HS3ST4: variants seen among roughly 807,000 people sequenced by gnomAD.
HS3ST4 encodes the protein heparan sulfate-glucosamine 3-sulfotransferase 4.
HS3ST4 carries 17 observed loss-of-function variants against 29.2 expected under a neutral mutation model. The observed-to-expected ratio is 0.58, with a 90% CI of 0.40 to 0.87. The LOEUF is 0.87. HS3ST4 is among the 40% of genes least tolerant of loss of function. The pLI is 0.00. For synonymous variants in HS3ST4, 314 were observed against 285.7 expected, an observed-to-expected ratio of 1.10 and a Z score of -1.00; for missense variants, 627 against 634.5, an observed-to-expected ratio of 0.99 and a Z score of 0.13.
At chr16:25,747,736 C>T (rs926161541) in intron 1 of HS3ST4, among the ~76,000 whole-genome samples, 1 of 152,212 alleles carries the variant, frequency 6.6e-6, no homozygotes, top group Non-Finnish European at 1.5e-5. Context: ...GAGGTCTCCA[C>T]TGCCTCTCAG....
At chr16:25,783,398 G>A (rs936259121) in intron 1 of HS3ST4, among the ~76,000 whole-genome samples, 3 of 151,958 alleles carry the variant, frequency 2.0e-5, no homozygotes, top group Non-Finnish European at 4.4e-5. Flanking sequence ...AACAGCCGCT[G>A]CATTGATGTC....
intron 1 of HS3ST4, chr16:25,824,818 C>G (rs1385894709): frequency 3.3e-5 from 5 of 152,154 alleles, no homozygotes; most frequent in Non-Finnish European, 1.5e-5. Context: ...ATATATAGTG[C>G]CCTACTGGCT....
At chr16:25,955,892 G>A (rs1289567748) in intron 1 of HS3ST4, among the ~76,000 whole-genome samples, 1 of 150,192 alleles carries the variant, frequency 6.7e-6, no homozygotes, top group Non-Finnish European at 1.5e-5. Flanking sequence ...TCGGCTCACT[G>A]CAACCTCCAC....
At chr16:25,985,529 A>G (rs115281467) in intron 1 of HS3ST4, among the ~76,000 whole-genome samples, 3,405 of 152,246 alleles carry the variant, frequency 0.022, 145 homozygotes, top group African/African-American at 0.079. Context: ...TTCACCCTTA[A>G]GCTTCCATAA....
At chr16:25,731,503 A>C (rs373735722) in intron 1 of HS3ST4, among the ~76,000 whole-genome samples, 56 of 151,978 alleles carry the variant, frequency 3.7e-4, no homozygotes, top group African/African-American at 1.2e-3. Flanking sequence ...AGCATACTCA[A>C]CTAATTTTTG....
At chr16:25,961,233 C>G (rs976646598) in intron 1 of HS3ST4, among the ~76,000 whole-genome samples, 1 of 152,152 alleles carries the variant, frequency 6.6e-6, no homozygotes, top group Non-Finnish European at 1.5e-5. Context: ...TGAATGCATA[C>G]TTACTCCTTC....
chr16:25,931,315 T>A (rs1264871826), intron 1 of HS3ST4, among the ~76,000 whole-genome samples: 1 of 152,212 alleles, frequency 6.6e-6, no homozygotes, highest in Admixed American at 6.5e-5. Flanking sequence ...CCTTGTTCTC[T>A]GTGCTTCCCC....
In HS3ST4 at chr16:25,742,438, G is replaced by GATC. The variant is rs1596558097; in HGVS notation, c.734+49288_734+49289insTCA. ...GTGGTCAACAGTGATCAGGGGAATA[G>GATC]ACTGTGGCTATCAGCCAGGTCAGAA... On this transcript the variant is annotated intron_variant, in intron 1 of 1. Coordinates refer to ENST00000331351, the MANE Select transcript of HS3ST4 (RefSeq NM_006040.3). Among the ~76,000 whole-genome samples the GATC allele has an allele frequency of 2.6e-5, 4 of 152,322 alleles. No individual in the cohort carries two copies. The East Asian group carries it at 7.7e-4, about 29-fold the overall frequency.
chr16:25,947,344 G>A (rs575885025), intron 1 of HS3ST4, among the ~76,000 whole-genome samples: 5 of 152,220 alleles, frequency 3.3e-5, no homozygotes, highest in East Asian at 3.9e-4. Flanking sequence ...TGTTGTATTA[G>A]TCAGTGATTG....
rs1162251738 is a variant in HS3ST4 at position 26,028,268 on chromosome 16, G to A, written c.735-107344G>A. 9.9e-5 allele frequency among the ~76,000 whole-genome samples: 10 copies of A among 100,614 alleles called. No individual in the cohort carries two copies. The South Asian group carries it at 1.4e-3, about 14-fold the overall frequency. 66.0% of individuals were successfully genotyped at this position (100,614 alleles called of 152,430 possible). On this transcript the variant is annotated intron_variant, in intron 1 of 1. Coordinates refer to ENST00000331351, the MANE Select transcript of HS3ST4 (RefSeq NM_006040.3). ...AGCCTGGGTGACAGAGTGAGACACCGTCTCAAAAAAAAAAAAAAAAAAAAA... is the reference window on the plus strand; with the variant it reads ...AGCCTGGGTGACAGAGTGAGACACCATCTCAAAAAAAAAAAAAAAAAAAAA...
At chr16:25,876,492 C>CT (rs1967834646) in intron 1 of HS3ST4, among the ~76,000 whole-genome samples, 1 of 152,106 alleles carries the variant, frequency 6.6e-6, no homozygotes, top group Non-Finnish European at 1.5e-5. Context: ...GTTCTAGCAG[C>CT]TGCAAGCCTC....
At chr16:25,786,856 C>T (rs887712178) in intron 1 of HS3ST4, among the ~76,000 whole-genome samples, 13 of 152,246 alleles carry the variant, frequency 8.5e-5, no homozygotes, top group Admixed American at 2.0e-4. Flanking sequence ...GTGACAGCCA[C>T]GTGACTGTGA....
chr16:25,937,987 A>G (rs576774411), intron 1 of HS3ST4, among the ~76,000 whole-genome samples: 1 of 152,142 alleles, frequency 6.6e-6, no homozygotes, highest in Non-Finnish European at 1.5e-5. Flanking sequence ...GCAGGGTTGG[A>G]GACATCTAAC....
intron 1 of HS3ST4, among the ~76,000 whole-genome samples, chr16:25,884,710 C>T (rs764973117): frequency 3.3e-5 from 5 of 152,028 alleles, no homozygotes; most frequent in Non-Finnish European, 5.9e-5. Context: ...GGATTACAGG[C>T]GTGCACCAAC....
chr16:25,881,798 G>C (rs1967898642), intron 1 of HS3ST4, among the ~76,000 whole-genome samples: 1 of 152,162 alleles, frequency 6.6e-6, no homozygotes, highest in African/African-American at 2.4e-5. Flanking sequence ...CAGGGGATGG[G>C]CTGTTAGCCA....
At chr16:25,697,740 A>G (rs1314951781) in intron 1 of HS3ST4, among the ~76,000 whole-genome samples, 1 of 151,952 alleles carries the variant, frequency 6.6e-6, no homozygotes, top group African/African-American at 2.4e-5. Flanking sequence ...CTCTGTTGCC[A>G]GGCTGGAGTG....
intron 1 of HS3ST4, among the ~76,000 whole-genome samples, chr16:26,024,148 C>T (rs978685726): frequency 2.0e-5 from 3 of 150,144 alleles, no homozygotes; most frequent in African/African-American, 7.4e-5. Flanking sequence ...CGCTTGAACC[C>T]GGAGGTGGAG....
At chr16:26,119,765 CT>C (rs143977419) in intron 1 of HS3ST4, among the ~76,000 whole-genome samples, 1 of 152,254 alleles carries the variant, frequency 6.6e-6, no homozygotes, top group East Asian at 1.9e-4. Context: ...ATGCCAGGCA[CT>C]ATGTGGCATG....
At chr16:25,806,839 A>G (rs112376072) in intron 1 of HS3ST4, among the ~76,000 whole-genome samples, 4 of 152,004 alleles carry the variant, frequency 2.6e-5, no homozygotes, top group Admixed American at 2.0e-4. Context: ...ATGCATGCAT[A>G]TGTGTGCATA....
Sources: allele counts gnomAD v4.1 joint callset (sites outside exome capture counted in the v4.1 genomes callset), GRCh38; gene constraint gnomAD v4.1.1; transcripts MANE v1.5; gene names NCBI Gene and HGNC (gene_info 2026-07-23, HGNC 2026-07-21).